The following FYB2 variants were observed in gnomAD, a reference collection of about 807,000 sequenced individuals.
FYB2 encodes FYN binding protein 2, also known as FYN-binding protein 2.
Under a neutral mutation model 94.1 loss-of-function variants are expected in FYB2, and 103 were observed. That is an observed-to-expected ratio of 1.09 (90% CI 0.93 to 1.29). The LOEUF (loss-of-function observed/expected upper bound fraction) is 1.29, where lower values mean the gene tolerates loss of function less well. Ranked by LOEUF, FYB2 falls within the 50% of genes most tolerant of loss-of-function variation. The pLI, the probability that FYB2 is intolerant of heterozygous loss-of-function variation, is 0.00. For synonymous variants in FYB2, 293 were observed against 287.9 expected (o/e 1.02, Z -0.18); for missense variants, 896 against 841.5 (o/e 1.06, Z -0.80).
At chr1:56,767,270 A>G (rs1348367928) in intron 5 of FYB2, among the ~76,000 whole-genome samples, 3 of 152,214 alleles carry the variant, frequency 2.0e-5, no homozygotes, top group Non-Finnish European at 2.9e-5. Flanking sequence ...ATCTTTTTAC[A>G]TGAGAAGGTC....
At position 56,719,432 on chromosome 1, in the gene FYB2, G is replaced by C. The variant is rs1015087155; in HGVS notation, c.*239C>G. The C allele has an allele frequency of 1.1e-5, 5 of 459,708 alleles. No individual in the cohort carries two copies. Among genetic ancestry groups the C allele is most frequent in the African/African-American group, 1.0e-4 (5 of 49,788 alleles). 28.5% of individuals were successfully genotyped at this position (459,708 alleles called of 1,614,324 possible). A position where few individuals can be genotyped will look rare whatever the true frequency, so the allele number is the denominator to read the frequency against. ...AACACATACTGTTTCACATTCTCTT[G>C]AACTGACAGTGAAGTAGATACTGAA... On this transcript the variant is annotated 3_prime_UTR_variant, in exon 20 of 20. Transcript: ENST00000343433.
intron 1 of FYB2, 101 bp from the exon 2 acceptor site, chr1:56,792,904 G>T: frequency 8.0e-7 from 1 of 1,250,250 alleles, no homozygotes; most frequent in Non-Finnish European, 1.1e-6. Context: ...AAGTCAGTGT[G>T]ATTAGATCTC....
At chr1:56,739,582 ATGTC>A (rs1644904944) in intron 13 of FYB2, among the ~76,000 whole-genome samples, 1 of 151,880 alleles carries the variant, frequency 6.6e-6, no homozygotes, top group Non-Finnish European at 1.5e-5. Flanking sequence ...ATACATCTCT[ATGTC>A]TGTATATCTA....
rs770772371 is a variant in FYB2, at chr1:56,723,670, C to G, written c.1892G>C (p.Arg631Thr). 1 of 1,553,074 alleles carries G rather than the reference C, an allele frequency of 6.4e-7. No individual in the cohort carries two copies. The highest frequency in any genetic ancestry group is 8.8e-7 in the Non-Finnish European group (1 of 1,131,322). The change falls in exon 17 of 20, where the codon AGA becomes ACA. Residue 631 changes from arginine to threonine, a missense_variant. By Grantham distance (71) the Arg-to-Thr change is moderately conservative. Coordinates refer to ENST00000343433, the MANE Select transcript of FYB2 (RefSeq NM_001004303.5). ...GAEESESFSP[R>T]NFFKTKKQNL... is the part of the protein sequence containing the mutation. ...TTGCTTCTTGGTTTTGAAGAAATTTCTAGGAGAGAAACTAGCAAGAAATGT... is the reference window on the plus strand; with the variant it reads ...TTGCTTCTTGGTTTTGAAGAAATTTGTAGGAGAGAAACTAGCAAGAAATGT...
At chr1:56,797,981 G>A (rs1646438802) in intron 1 of FYB2, among the ~76,000 whole-genome samples, 2 of 152,164 alleles carry the variant, frequency 1.3e-5, no homozygotes, top group South Asian at 4.1e-4. Context: ...TAAAAATGCG[G>A]TGAAGGAATG....
At chr1:56,788,878 T>C in intron 3 of FYB2, 95 bp downstream of exon 3, 1 of 1,510,964 alleles carries the variant, frequency 6.6e-7, no homozygotes, top group Non-Finnish European at 9.2e-7. Flanking sequence ...TCCAGCCTCA[T>C]GGAAAAGCAG....
At chr1:56,763,368 G>T (rs6671618) in intron 5 of FYB2, among the ~76,000 whole-genome samples, 33,026 of 151,970 alleles carry the variant, frequency 0.22, 4,020 homozygotes, top group African/African-American at 0.34. Context: ...AATTTTTCAG[G>T]GAAATCACCT....
chr1:56,811,941 T>A (rs200586844), intron 1 of FYB2, among the ~76,000 whole-genome samples: 1 of 151,372 alleles, frequency 6.6e-6, no homozygotes, highest in African/African-American at 2.4e-5. Flanking sequence ...TTTTTTTTCC[T>A]TTTTCTTTCT....
intron 1 of FYB2, among the ~76,000 whole-genome samples, chr1:56,802,645 G>A (rs927046695): frequency 6.6e-6 from 1 of 152,170 alleles, no homozygotes; most frequent in Non-Finnish European, 1.5e-5. Context: ...TTCTTCCCAG[G>A]AGCCTTCAAA....
At chr1:56,741,592 C>G (rs142551250) in intron 12 of FYB2, among the ~76,000 whole-genome samples, 1,837 of 152,014 alleles carry the variant, frequency 0.012, 103 homozygotes, top group Admixed American at 0.11. Context: ...CCCCTTGAAC[C>G]CTTAAACTCC....
intron 4 of FYB2, among the ~76,000 whole-genome samples, chr1:56,776,059 G>C (rs939446813): frequency 3.9e-5 from 6 of 152,132 alleles, no homozygotes; most frequent in Non-Finnish European, 8.8e-5. Flanking sequence ...AAGTAGCAGA[G>C]GTGGGTCTGG....
At chr1:56,735,911 G>C (rs1230761409) in intron 15 of FYB2, among the ~76,000 whole-genome samples, 3 of 152,070 alleles carry the variant, frequency 2.0e-5, no homozygotes, top group Non-Finnish European at 2.9e-5. Context: ...GATGACTATA[G>C]TTAACAATAA....
intron 1 of FYB2, among the ~76,000 whole-genome samples, chr1:56,810,520 T>C (rs568142910): frequency 4.6e-5 from 7 of 152,154 alleles, no homozygotes; most frequent in African/African-American, 1.7e-4. Context: ...CATTTTCCAC[T>C]CCCTCCCAGA....
intron 1 of FYB2, among the ~76,000 whole-genome samples, chr1:56,796,026 A>G (rs951379086): frequency 1.3e-5 from 2 of 152,176 alleles, no homozygotes; most frequent in African/African-American, 4.8e-5. Flanking sequence ...ATTACACAAG[A>G]AAATATTAGA....
chr1:56,822,705 C>T (rs1646999427), upstream of FYB2, among the ~76,000 whole-genome samples: 1 of 148,368 alleles, frequency 6.7e-6, no homozygotes. Context: ...ATTACTTACA[C>T]TTTGTATCAT....
At chr1:56,751,242 A>G (rs148439568) in intron 8 of FYB2, 39 bp from the exon 9 acceptor site, 2 of 1,590,464 alleles carry the variant, frequency 1.3e-6, no homozygotes, top group East Asian at 4.5e-5. Context: ...TAGGGCTGTG[A>G]CTTACCTAAT....
At chr1:56,817,508 A>G (rs11206923) in intron 1 of FYB2, among the ~76,000 whole-genome samples, 23,767 of 151,964 alleles carry the variant, frequency 0.16, 2,393 homozygotes, top group African/African-American at 0.29. Context: ...CCATATATAG[A>G]TTTTTTTGTC....
At chr1:56,803,472 T>C (rs1197285510) in intron 1 of FYB2, among the ~76,000 whole-genome samples, 1 of 152,222 alleles carries the variant, frequency 6.6e-6, no homozygotes, top group Non-Finnish European at 1.5e-5. Context: ...CAATGGTAGC[T>C]GGACTGATAG....
intron 8 of FYB2, among the ~76,000 whole-genome samples, chr1:56,752,269 C>G (rs1645217877): frequency 6.6e-6 from 1 of 151,978 alleles, no homozygotes; most frequent in Non-Finnish European, 1.5e-5. Flanking sequence ...AAACCCTGAT[C>G]ACATTTACAT....
Sources: allele counts gnomAD v4.1 joint callset (sites outside exome capture counted in the v4.1 genomes callset), GRCh38; gene constraint gnomAD v4.1.1; transcripts MANE v1.5; gene names NCBI Gene and HGNC (gene_info 2026-07-23, HGNC 2026-07-21).